The following JKAMP variants were observed in gnomAD, a reference collection of about 807,000 sequenced individuals.
The protein encoded by JKAMP is JNK1/MAPK8 associated membrane protein, also known as JNK1/MAPK8-associated membrane protein.
JKAMP carries 20 observed loss-of-function variants against 40.2 expected under a neutral mutation model. The observed-to-expected ratio is 0.50, with a 90% confidence interval of 0.35 to 0.72. JKAMP has a LOEUF of 0.72. JKAMP is among the 30% of genes least tolerant of loss of function. The pLI is 0.01. For synonymous variants in JKAMP, 138 were observed against 131.6 expected (o/e 1.05, Z -0.33); for missense variants, 276 against 373.0 (o/e 0.74, Z 2.14).
At position 59,488,394 on chromosome 14, in the gene JKAMP, T is replaced by C. The variant is rs368615109; in HGVS notation, c.251+566T>C. On this transcript the variant is annotated intron_variant, in intron 3 of 6. Coordinates refer to ENST00000616435, the MANE Select transcript of JKAMP (RefSeq NM_016475.5). Reference sequence around the variant, plus strand: ...TCTTAGAAATGTAGTGGAAGAGTTATAAACAAAGTACTCTGGAGTTACAAA... The same window carrying C: ...TCTTAGAAATGTAGTGGAAGAGTTACAAACAAAGTACTCTGGAGTTACAAA... Among the ~76,000 whole-genome samples the C allele has an allele frequency of 1.2e-4, 19 of 152,240 alleles. 1 individual carries two copies. Among genetic ancestry groups the C allele is most frequent in the Admixed American group, 8.5e-4 (13 of 15,294 alleles).
intron 3 of JKAMP, among the ~76,000 whole-genome samples, chr14:59,489,442 A>G (rs924431643): frequency 3.3e-5 from 5 of 152,186 alleles, no homozygotes; most frequent in African/African-American, 1.2e-4. Context: ...CCTTAATTCC[A>G]TGTGAGACCT....
At chr14:59,493,073 C>T (rs940314216) in intron 3 of JKAMP, among the ~76,000 whole-genome samples, 2 of 152,094 alleles carry the variant, frequency 1.3e-5, no homozygotes, top group Non-Finnish European at 2.9e-5. Context: ...GCTGGGATTA[C>T]AGGCGTGAGC....
At chr14:59,484,962 TTGTC>T in intron 1 of JKAMP, 1 of 1,530,926 alleles carries the variant, frequency 6.5e-7, no homozygotes. Flanking sequence ...GCTGCATAAT[TTGTC>T]TACTGCTTCA....
At chr14:59,495,906 TTTTG>T (rs1303208396) in intron 4 of JKAMP, among the ~76,000 whole-genome samples, 2 of 152,122 alleles carry the variant, frequency 1.3e-5, no homozygotes, top group Admixed American at 6.6e-5. Flanking sequence ...CCTGCCAGTT[TTTTG>T]TTTGTTTTTG....
intron 3 of JKAMP, among the ~76,000 whole-genome samples, chr14:59,489,471 T>C (rs1270743459): frequency 6.6e-6 from 1 of 152,232 alleles, no homozygotes; most frequent in Non-Finnish European, 1.5e-5. Context: ...TGGCCTTCAC[T>C]GTCTACATTT....
chr14:59,493,282 A>G (rs962653998), intron 3 of JKAMP, among the ~76,000 whole-genome samples: 1 of 152,216 alleles, frequency 6.6e-6, no homozygotes, highest in Non-Finnish European at 1.5e-5. Flanking sequence ...AAGAGAACCA[A>G]GGCACACCTG....
At chr14:59,490,523 G>T (rs1594935993) in intron 3 of JKAMP, among the ~76,000 whole-genome samples, 1 of 152,182 alleles carries the variant, frequency 6.6e-6, no homozygotes, top group Non-Finnish European at 1.5e-5. Flanking sequence ...TAGATTAGAG[G>T]TGAGATATTT....
Position 59,503,859 on chromosome 14 carries a change from C to T in JKAMP, c.723C>T (p.Cys241=), listed in dbSNP as rs1225311612. The change falls in exon 7 of 7, where the codon TGC becomes TGT. Residue 241 remains cysteine (C), a synonymous_variant. Coordinates refer to ENST00000616435, the MANE Select transcript of JKAMP (RefSeq NM_016475.5). ...TCTTTTACAAAATTATATAGAACTGCTATGATCTTCTGGTCAGAAAGAAAA... is the reference window on the plus strand; with the variant it reads ...TCTTTTACAAAATTATATAGAACTGTTATGATCTTCTGGTCAGAAAGAAAA... ...VYMSASEIEN[C]YDLLVRKKRL... 1 of 1,604,188 alleles carries T rather than the reference C, an allele frequency of 6.2e-7. No individual in the cohort carries two copies. The highest frequency in any genetic ancestry group is 1.3e-5 in the African/African-American group (1 of 74,714).
intron 5 of JKAMP, among the ~76,000 whole-genome samples, chr14:59,499,755 G>A (rs775179270): frequency 1.4e-4 from 21 of 152,160 alleles, no homozygotes; most frequent in Non-Finnish European, 3.1e-4. Flanking sequence ...GGGCTTGAGG[G>A]TAAGACCAAG....
chr14:59,488,908 C>T (rs555700469), intron 3 of JKAMP, among the ~76,000 whole-genome samples: 1 of 152,322 alleles, frequency 6.6e-6, no homozygotes, highest in Admixed American at 6.5e-5. Flanking sequence ...ACAAAGAGTG[C>T]CCAATTAAAA....
Position 59,505,201 on chromosome 14 carries a change from AGTC to A in JKAMP, c.*1130_*1132del. On this transcript the variant is annotated 3_prime_UTR_variant, in exon 7 of 7. Transcript: ENST00000616435. Reference sequence around the variant, plus strand: ...TAAGTGCACTCACTTTTCCTGTAGTAGTCTGTCTTTTGAATTCACAGCAGTTGT... The same window carrying A: ...TAAGTGCACTCACTTTTCCTGTAGTATGTCTTTTGAATTCACAGCAGTTGT... 1 of 1,092,558 alleles carries A rather than the reference AGTC, an allele frequency of 9.2e-7. No homozygotes were observed. Among genetic ancestry groups the A allele is most frequent in the Non-Finnish European group, 1.3e-6 (1 of 776,322 alleles). The allele number at this position is 1,092,558 out of a possible 1,614,324, so 67.7% of individuals were successfully genotyped here.
chr14:59,493,533 A>C (rs1476066722), intron 3 of JKAMP, among the ~76,000 whole-genome samples: 3 of 152,242 alleles, frequency 2.0e-5, no homozygotes, highest in Non-Finnish European at 4.4e-5. Context: ...AATGATACAT[A>C]ATGGAAACAG....
chr14:59,494,142 TACAC>T (rs1048852903), intron 3 of JKAMP, among the ~76,000 whole-genome samples: 163 of 125,818 alleles, frequency 1.3e-3, no homozygotes, highest in African/African-American at 2.8e-3. Context: ...GTGTGTGAGA[TACAC>T]ACACATCTCA....
chr14:59,484,652 C>A, intron 1 of JKAMP, 59 bp downstream of exon 1: 1 of 1,549,602 alleles, frequency 6.5e-7, no homozygotes, highest in Non-Finnish European at 8.8e-7. Flanking sequence ...CTTTCCTACA[C>A]GGCTGGCCTC....
chr14:59,488,483 A>C (rs1247610812), intron 3 of JKAMP, among the ~76,000 whole-genome samples: 3 of 152,220 alleles, frequency 2.0e-5, no homozygotes, highest in Non-Finnish European at 4.4e-5. Context: ...CATTTTAGGC[A>C]GAAGAAACAG....
rs1892201102 is a variant in JKAMP, at chr14:59,504,511, T to C, written c.*439T>C. On this transcript the variant is annotated 3_prime_UTR_variant, in exon 7 of 7. Transcript: ENST00000616435. The stretch of plus-strand genomic sequence containing the variant: ...TGAATTGTAAAAACAAACATACTTG[T>C]GGGGTCTGATAGCAAACATAGAAAT... 6.4e-6 allele frequency: 1 copy of C among 156,870 alleles called. No individual in the cohort carries two copies. The highest frequency in any genetic ancestry group is 2.4e-5 in the African/African-American group (1 of 41,588). The allele number at this position is 156,870 out of a possible 1,614,324, so 9.7% of individuals were successfully genotyped here.
chr14:59,493,551 G>A (rs138978740), intron 3 of JKAMP, among the ~76,000 whole-genome samples: 1 of 152,314 alleles, frequency 6.6e-6, no homozygotes, highest in East Asian at 1.9e-4. Context: ...CAGTGTTCAA[G>A]TAGAAAACTC....
intron 5 of JKAMP, among the ~76,000 whole-genome samples, chr14:59,499,326 A>G (rs1270190656): frequency 6.6e-6 from 1 of 152,134 alleles, no homozygotes; most frequent in Non-Finnish European, 1.5e-5. Flanking sequence ...TAAAAATCTA[A>G]GTATGTAATA....
chr14:59,502,939 G>A (rs1156523184), intron 6 of JKAMP, among the ~76,000 whole-genome samples: 1 of 151,112 alleles, frequency 6.6e-6, no homozygotes, highest in Non-Finnish European at 1.5e-5. Flanking sequence ...TTTAGTAGAC[G>A]GGGTTTCACC....
Sources: allele counts gnomAD v4.1 joint callset (sites outside exome capture counted in the v4.1 genomes callset), GRCh38; gene constraint gnomAD v4.1.1; transcripts MANE v1.5; gene names NCBI Gene and HGNC (gene_info 2026-07-23, HGNC 2026-07-21).